CFAP20DC: variants seen among roughly 807,000 people sequenced by gnomAD.
CFAP20DC encodes protein CFAP20DC.
In CFAP20DC, 84 loss-of-function variants were observed where a neutral mutation model predicts 101.7. That is an observed-to-expected ratio of 0.83 (90% CI 0.69 to 0.99). The LOEUF (loss-of-function observed/expected upper bound fraction) is 0.99. Ranked by LOEUF, CFAP20DC falls within the 50% of genes least tolerant of loss-of-function variation. The probability of loss-of-function intolerance (pLI) is 0.00; values close to 1 mark genes in which losing one functional copy is unlikely to be tolerated. For synonymous variants in CFAP20DC, 359 were observed against 351.2 expected (o/e 1.02, Z -0.25); for missense variants, 1,007 against 970.3 (o/e 1.04, Z -0.50).
chr3:58,820,389 A>C (rs1184379678), intron 14 of CFAP20DC, among the ~76,000 whole-genome samples: 1 of 150,528 alleles, frequency 6.6e-6, no homozygotes, highest in African/African-American at 2.5e-5. Flanking sequence ...TATATCTAGA[A>C]AACCCCATTG....
intron 5 of CFAP20DC, among the ~76,000 whole-genome samples, chr3:58,920,138 T>C (rs1006989961): frequency 1.0e-4 from 14 of 139,618 alleles, no homozygotes; most frequent in Non-Finnish European, 1.8e-4. Flanking sequence ...TGGAGTGTAG[T>C]GACATGATCA....
At chr3:58,839,750 C>T (rs2076974148) in intron 13 of CFAP20DC, among the ~76,000 whole-genome samples, 1 of 152,142 alleles carries the variant, frequency 6.6e-6, no homozygotes, top group Non-Finnish European at 1.5e-5. Context: ...AGTCTTTCTA[C>T]CTAGAATTTC....
At chr3:59,000,633 A>C (rs1559969752) in intron 4 of CFAP20DC, among the ~76,000 whole-genome samples, 1 of 152,138 alleles carries the variant, frequency 6.6e-6, no homozygotes, top group Non-Finnish European at 1.5e-5. Flanking sequence ...GTGGGCACTC[A>C]AGGAGAATCG....
chr3:58,950,939 A>G (rs1408550451), intron 4 of CFAP20DC, among the ~76,000 whole-genome samples: 1 of 152,242 alleles, frequency 6.6e-6, no homozygotes, highest in Non-Finnish European at 1.5e-5. Context: ...AAGCTTCTGC[A>G]CAGCAAAAGA....
At chr3:58,836,015 G>A (rs753024830) in intron 13 of CFAP20DC, among the ~76,000 whole-genome samples, 2 of 152,138 alleles carry the variant, frequency 1.3e-5, no homozygotes, top group Admixed American at 1.3e-4. Context: ...TCCTAGGAAC[G>A]AGGCAATGGG....
chr3:59,038,469 C>T (rs1022135202), intron 4 of CFAP20DC, among the ~76,000 whole-genome samples: 5 of 152,130 alleles, frequency 3.3e-5, no homozygotes, highest in East Asian at 3.9e-4. Flanking sequence ...TCTTGTTTTA[C>T]TGAGCTTTGC....
At chr3:58,806,905 C>T (rs537457925) in intron 14 of CFAP20DC, among the ~76,000 whole-genome samples, 2 of 152,142 alleles carry the variant, frequency 1.3e-5, no homozygotes. Flanking sequence ...AACGGCGCAC[C>T]AGGAGATTAT....
chr3:58,922,685 A>G (rs1305792211), intron 5 of CFAP20DC, among the ~76,000 whole-genome samples: 4 of 152,138 alleles, frequency 2.6e-5, no homozygotes, highest in African/African-American at 7.2e-5. Context: ...CCAGTGCCAT[A>G]CTTCTTGTAC....
In CFAP20DC at chr3:58,808,083, T is replaced by C. The variant is rs564395515; in HGVS notation, c.2176-1627A>G. Among the ~76,000 whole-genome samples, 380 of 152,316 alleles carry C rather than the reference T, an allele frequency of 2.5e-3. 1 individual carries two copies. The highest frequency in any genetic ancestry group is 4.1e-3 in the Non-Finnish European group (281 of 68,026). ...ACTACGTGAAAAGACCAAATCTATG[T>C]ATGATTGGTGTACTTGAAAGTGACA... On this transcript the variant is annotated intron_variant, in intron 14 of 16. Coordinates refer to ENST00000482387, the MANE Select transcript of CFAP20DC (RefSeq NM_001394063.1).
At chr3:58,944,708 T>G (rs1175651018) in intron 4 of CFAP20DC, among the ~76,000 whole-genome samples, 1 of 152,106 alleles carries the variant, frequency 6.6e-6, no homozygotes, top group African/African-American at 2.4e-5. Flanking sequence ...TGAAAACCAC[T>G]CCCCTTTCAC....
At chr3:58,862,454 A>C in intron 12 of CFAP20DC, 1 of 985,416 alleles carries the variant, frequency 1.0e-6, no homozygotes, top group South Asian at 4.7e-5. Context: ...GATTTGCAGT[A>C]GGTTATGTTT....
chr3:58,810,099 C>T (rs1451898769), intron 14 of CFAP20DC, among the ~76,000 whole-genome samples: 6 of 152,210 alleles, frequency 3.9e-5, no homozygotes, highest in African/African-American at 9.6e-5. Context: ...ACCAGATGGA[C>T]TCACAGCCGA....
chr3:58,806,521 T>A (rs1055963794), intron 14 of CFAP20DC, 65 bp from the exon 15 acceptor site: 2 of 1,134,312 alleles, frequency 1.8e-6, no homozygotes, highest in Non-Finnish European at 2.7e-6. Context: ...GACATTCACA[T>A]GCACTCTCAT....
chr3:58,989,496 T>C (rs2092863189), intron 4 of CFAP20DC, among the ~76,000 whole-genome samples: 1 of 152,136 alleles, frequency 6.6e-6, no homozygotes, highest in East Asian at 1.9e-4. Context: ...AAGTAGTTCA[T>C]GACCAAAGAT....
chr3:58,717,942 A>G lies in CFAP20DC; in HGVS notation c.198-314T>C, dbSNP rs115883267. On this transcript the variant is annotated intron_variant, in intron 3 of 3. Transcript: ENST00000486145. This position sits in a 1 kb window ranked among gnomAD's most constrained non-coding sequence, Gnocchi z 4.1. ...GTCATGACTGATGTAGGGCTTCTTA[A>G]TAAGTTCTCTTCTCAAAAGCTTATG... is the stretch of plus-strand genomic sequence containing the variant. 8.5e-3 allele frequency among the ~76,000 whole-genome samples: 1,299 copies of G among 152,338 alleles called. 14 individuals are homozygous for G. Among genetic ancestry groups the G allele is most frequent in the African/African-American group, 0.028 (1,144 of 41,572 alleles).
chr3:59,003,937 C>T (rs932179141), intron 4 of CFAP20DC, among the ~76,000 whole-genome samples: 1 of 152,160 alleles, frequency 6.6e-6, no homozygotes, highest in African/African-American at 2.4e-5. Context: ...TCCTAACAGA[C>T]CCATTGGATT....
intron 4 of CFAP20DC, among the ~76,000 whole-genome samples, chr3:59,009,296 C>T (rs900021535): frequency 6.6e-6 from 1 of 152,044 alleles, no homozygotes; most frequent in Non-Finnish European, 1.5e-5. Context: ...AAAAAGATCA[C>T]ACTAGCTCCC....
At chr3:59,031,560 T>C (rs1440360826) in intron 4 of CFAP20DC, among the ~76,000 whole-genome samples, 1 of 152,172 alleles carries the variant, frequency 6.6e-6, no homozygotes, top group East Asian at 1.9e-4. Flanking sequence ...GCTTTAGTCC[T>C]GTTACTCTAA....
chr3:58,790,676 T>G (rs1201664365), intron 15 of CFAP20DC, among the ~76,000 whole-genome samples: 5 of 152,206 alleles, frequency 3.3e-5, no homozygotes, highest in Non-Finnish European at 7.3e-5. Flanking sequence ...GAACTAAAAC[T>G]ATGAATGTGA....
Sources: gnomAD v4.1 joint callset for allele counts (sites outside exome capture counted in the v4.1 genomes callset) on GRCh38, gnomAD v4.1.1 for gene constraint, Gnocchi (gnomAD v3.1) non-coding constraint, MANE v1.5 for transcripts, NCBI Gene and HGNC (gene_info 2026-07-23, HGNC 2026-07-21) for gene names.